Variants in MTMR3 observed in about 807,000 individuals in gnomAD.
MTMR3 encodes the protein myotubularin related protein 3.
A neutral mutation model predicts 132.4 loss-of-function variants in MTMR3; 32 were observed. The observed-to-expected ratio is 0.24, with a 90% CI of 0.18 to 0.32. The LOEUF (loss-of-function observed/expected upper bound fraction) is 0.32, where lower values mean the gene tolerates loss of function less well. MTMR3 is among the 10% of genes least tolerant of loss of function. The pLI, the probability that MTMR3 is intolerant of heterozygous loss-of-function variation, is 1.00. For missense variants in MTMR3, 1,216 were observed against 1,489.6 expected (o/e 0.82, Z 3.02); for synonymous variants, 556 against 550.3 (o/e 1.01, Z -0.14).
In MTMR3 at chr22:29,934,332, C is replaced by T. The variant is rs181514592; in HGVS notation, c.-137-22704C>T. ...TCGTGCCACTGCACTCCAGCCTGGG[C>T]GGTAGAGAGAGACTCTGTCTCAAAG... On this transcript the variant is annotated intron_variant, in intron 1 of 19. Transcript: ENST00000401950. Among the ~76,000 whole-genome samples, 672 of 151,652 alleles carry T rather than the reference C, an allele frequency of 4.4e-3. 6 individuals carry two copies. Among genetic ancestry groups the T allele is most frequent in the African/African-American group, 0.015 (631 of 41,300 alleles).
intron 1 of MTMR3, among the ~76,000 whole-genome samples, chr22:29,903,440 G>A (rs1401531459): frequency 7.0e-6 from 1 of 141,898 alleles, no homozygotes; most frequent in African/African-American, 2.6e-5. Context: ...CCAGGCTGGA[G>A]TGCAGTGGTG....
chr22:29,900,331 A>G (rs2064981014), intron 1 of MTMR3, among the ~76,000 whole-genome samples: 1 of 152,174 alleles, frequency 6.6e-6, no homozygotes, highest in Non-Finnish European at 1.5e-5. Context: ...AAGTGGTATA[A>G]TACTTAACGT....
intron 1 of MTMR3, among the ~76,000 whole-genome samples, chr22:29,915,045 T>G (rs2065282411): frequency 6.6e-6 from 1 of 152,200 alleles, no homozygotes; most frequent in Non-Finnish European, 1.5e-5. Flanking sequence ...AATTTGAGAT[T>G]TGTTTTGTGG....
rs61038012 is a variant in MTMR3, at chr22:29,896,869, T to TCACACACACACACACACACACACACACA, written c.-138+13517_-138+13544dup. 2.6e-3 allele frequency among the ~76,000 whole-genome samples: 360 copies of TCACACACACACACACACACACACACACA among 138,188 alleles called. 2 individuals carry two copies. The highest frequency in any genetic ancestry group is 0.011 in the Middle Eastern group (3 of 282). 90.7% of individuals were successfully genotyped at this position (138,188 alleles called of 152,430 possible). A position where few individuals can be genotyped will look rare whatever the true frequency, so the allele number is the denominator to read the frequency against. On this transcript the variant is annotated intron_variant, in intron 1 of 19. Transcript: ENST00000401950. ...TATAGTACAGAATAACAGGCTTGTC[T>TCACACACACACACACACACACACACACA]CACACACACACACACACACACACAC...
rs773875152 is a variant in MTMR3 at position 30,025,943 on chromosome 22, C to G, written c.*142C>G. ...AGAGTGACAGATTTGGGATGCACCA[C>G]TGGATTGTAGATTGATTTTTCTTTC... On this transcript the variant is annotated 3_prime_UTR_variant, in exon 20 of 20. Transcript: ENST00000401950. The G allele has an allele frequency of 1.0e-5, 8 of 772,118 alleles. No homozygotes were observed. Among genetic ancestry groups the G allele is most frequent in the Admixed American group, 7.3e-5 (3 of 41,162 alleles). 47.8% of individuals were successfully genotyped at this position (772,118 alleles called of 1,614,324 possible).
At chr22:30,009,893 G>A (rs1338051882) in intron 12 of MTMR3, 1 of 152,190 alleles carries the variant, frequency 6.6e-6, no homozygotes, top group Non-Finnish European at 1.5e-5. Context: ...TTGTTTCTCT[G>A]GGTCCTATTC....
At chr22:29,912,961 A>G (rs2145751660) in intron 1 of MTMR3, among the ~76,000 whole-genome samples, 1 of 152,280 alleles carries the variant, frequency 6.6e-6, no homozygotes, top group South Asian at 2.1e-4. Flanking sequence ...GGTCTTAGTC[A>G]GCCAGGCACA....
At chr22:29,893,239 G>T (rs2064832315) in intron 1 of MTMR3, among the ~76,000 whole-genome samples, 1 of 152,130 alleles carries the variant, frequency 6.6e-6, no homozygotes. Flanking sequence ...TCGTGGAAGA[G>T]GTCTTGAATT....
chr22:30,007,034 T>A, intron 9 of MTMR3, 80 bp from the exon 10 acceptor site: 1 of 1,466,730 alleles, frequency 6.8e-7, no homozygotes, highest in Admixed American at 1.8e-5. Context: ...GACTGTTCAT[T>A]AAGGCACTTA....
Position 29,991,441 on chromosome 22 carries a change from T to G in MTMR3, c.294-63T>G, listed in dbSNP as rs549411706. The G allele has an allele frequency of 3.3e-6, 5 of 1,493,470 alleles. No individual in the cohort carries two copies. The African/African-American group carries it at 7.1e-5, about 21-fold the overall frequency. 92.5% of individuals were successfully genotyped at this position (1,493,470 alleles called of 1,614,324 possible). ...GAGTGGGCATTCTTGAAATAATGGC[T>G]TTTCTTACATTTCATTTCAACTGTC... On this transcript the variant is annotated intron_variant, in intron 6 of 19. Transcript: ENST00000401950.
intron 1 of MTMR3, among the ~76,000 whole-genome samples, chr22:29,928,139 G>A (rs1291900413): frequency 1.4e-5 from 2 of 139,182 alleles, no homozygotes; most frequent in African/African-American, 2.6e-5. Flanking sequence ...TTTTCTCATC[G>A]TCTGTACGGG....
chr22:30,019,378 A>G (rs2067688628), intron 16 of MTMR3, 102 bp from the exon 17 acceptor site: 1 of 1,114,990 alleles, frequency 9.0e-7, no homozygotes, highest in Non-Finnish European at 1.3e-6. Flanking sequence ...AGTAGCCATA[A>G]TGGACCCAGT....
chr22:30,021,912 G>T (rs2067766523), intron 17 of MTMR3, 117 bp from the exon 18 acceptor site: 4 of 730,726 alleles, frequency 5.5e-6, no homozygotes, highest in Non-Finnish European at 9.5e-6. Context: ...TGCAGATTCG[G>T]CAGTCCTAGC....
rs2145992021 is a variant in MTMR3, at chr22:30,026,128, A to C, written c.*327A>C. On this transcript the variant is annotated 3_prime_UTR_variant, in exon 20 of 20. Coordinates refer to ENST00000401950, the MANE Select transcript of MTMR3 (RefSeq NM_021090.4). ...AGCTGCCTGCTGTCACGTGACACTG[A>C]GGGATGGCTTGTTTCTTCCGGGTGG... is the stretch of plus-strand genomic sequence containing the variant. 1 of 274,346 alleles carries C rather than the reference A, an allele frequency of 3.6e-6. No individual in the cohort carries two copies. Among genetic ancestry groups the C allele is most frequent in the East Asian group, 7.4e-5 (1 of 13,594 alleles). 17.0% of individuals were successfully genotyped at this position (274,346 alleles called of 1,614,324 possible).
rs763446855 is a variant in MTMR3 at position 30,009,124 on chromosome 22, G to A, written c.1116G>A (p.Pro372=). The A allele has an allele frequency of 1.3e-5, 21 of 1,596,992 alleles. No individual in the cohort carries two copies. Among genetic ancestry groups the A allele is most frequent in the African/African-American group, 1.1e-4 (8 of 74,470 alleles). Residue 372 remains proline, a synonymous_variant, in exon 12 of 20, where the codon CCG becomes CCA. Coordinates refer to ENST00000401950, the MANE Select transcript of MTMR3 (RefSeq NM_021090.4). ...LRLLCTQMPD[P]GNWLSALEST... is the part of the protein sequence containing the mutation. ...TGCTGTGCACTCAGATGCCAGATCCGGGAAAGTAAGTCCTTGGCCTTGGCT... is the reference window on the plus strand; with the variant it reads ...TGCTGTGCACTCAGATGCCAGATCCAGGAAAGTAAGTCCTTGGCCTTGGCT...
At position 30,022,040 on chromosome 22, in the gene MTMR3, C is replaced by T. The variant is rs774138088; in HGVS notation, c.3237C>T (p.Pro1079=). 45 of 1,613,896 alleles carry T rather than the reference C, an allele frequency of 2.8e-5. No individual in the cohort carries two copies. The highest frequency in any genetic ancestry group is 9.9e-5 in the South Asian group (9 of 91,074). Residue 1079 remains proline (P), a synonymous_variant, in exon 18 of 20, where the codon CCC becomes CCT. Transcript: ENST00000401950. ...GDFGDEVTSI[P]DSESNLDQNC... ...TTGTTTGCCAACAGACTTCAATCCC[C>T]GACTCGGAAAGCAATCTGGATCAGA...
At chr22:30,006,059 C>G (rs2067268024) in intron 9 of MTMR3, 1 of 152,204 alleles carries the variant, frequency 6.6e-6, no homozygotes. Context: ...TGACTGACTT[C>G]TTTCACTTGT....
intron 1 of MTMR3, among the ~76,000 whole-genome samples, chr22:29,895,067 G>A (rs1042058169): frequency 6.6e-6 from 1 of 152,126 alleles, no homozygotes; most frequent in Non-Finnish European, 1.5e-5. Flanking sequence ...AATTAACGGG[G>A]CGCGGTGGTG....
At chr22:29,917,047 G>A (rs1458830721) in intron 1 of MTMR3, among the ~76,000 whole-genome samples, 1 of 152,060 alleles carries the variant, frequency 6.6e-6, no homozygotes, top group Non-Finnish European at 1.5e-5. Flanking sequence ...TTCTGTATTG[G>A]CTCCCACCAG....
Sources: gnomAD v4.1 joint callset for allele counts (sites outside exome capture counted in the v4.1 genomes callset) on GRCh38, gnomAD v4.1.1 for gene constraint, MANE v1.5 for transcripts, NCBI Gene and HGNC (gene_info 2026-07-23, HGNC 2026-07-21) for gene names.